TYR: variants seen among roughly 807,000 people sequenced by gnomAD.
The protein encoded by TYR is tyrosinase, also known as LB24-AB.
Under a neutral mutation model 51.5 loss-of-function variants are expected in TYR, and 58 were observed. The observed-to-expected ratio is 1.13, with a 90% CI of 0.91 to 1.40. The LOEUF is 1.40. Among genes scored for constraint, TYR ranks in the 40% most tolerant of loss-of-function variants. The probability of loss-of-function intolerance (pLI) is 0.00; values close to 1 mark genes in which losing one functional copy is unlikely to be tolerated. For missense variants in TYR, 732 were observed against 647.4 expected (o/e 1.13, Z -1.42); for synonymous variants, 263 against 235.2 (o/e 1.12, Z -1.08).
chr11:89,272,011 C>A (rs563825468), intron 3 of TYR, among the ~76,000 whole-genome samples: 1 of 151,976 alleles, frequency 6.6e-6, no homozygotes, highest in East Asian at 2.0e-4. Flanking sequence ...TCTGCAGTAA[C>A]TTTCTCCACT....
chr11:89,253,905 T>C (rs999063602), intron 3 of TYR, among the ~76,000 whole-genome samples: 1 of 151,820 alleles, frequency 6.6e-6, no homozygotes, highest in Non-Finnish European at 1.5e-5. Context: ...CTTGTTCCAG[T>C]TCTCAGAGGG....
chr11:89,214,140 C>G (rs1194851470), intron 2 of TYR, among the ~76,000 whole-genome samples: 3 of 152,150 alleles, frequency 2.0e-5, no homozygotes, highest in Non-Finnish European at 2.9e-5. Flanking sequence ...TCAGAGTGAA[C>G]AGGCAACCTA....
chr11:89,235,990 T>A (rs1469561837), intron 3 of TYR, among the ~76,000 whole-genome samples: 2 of 152,122 alleles, frequency 1.3e-5, no homozygotes. Context: ...TTTAAAAGTG[T>A]CAATTTGTCT....
chr11:89,227,777 A>G (rs1474867217), intron 2 of TYR, 46 bp from the exon 3 acceptor site: 1 of 1,525,710 alleles, frequency 6.6e-7, no homozygotes, highest in South Asian at 1.1e-5. Flanking sequence ...ATAGGTTTTC[A>G]GTCATTAAAG....
rs2135242125 is a variant in TYR at position 89,178,295 on chromosome 11, G to A, written c.342G>A (p.Glu114=). 3.1e-6 allele frequency: 5 copies of A among 1,614,226 alleles called. No homozygotes were observed. Among genetic ancestry groups the A allele is most frequent in the Non-Finnish European group, 2.5e-6 (3 of 1,180,044 alleles). ...GCTTTTGGGGACCAAACTGCACAGAGAGACGACTCTTGGTGAGAAGAAACA... is the reference window on the plus strand; with the variant it reads ...GCTTTTGGGGACCAAACTGCACAGAAAGACGACTCTTGGTGAGAAGAAACA... The part of the protein sequence containing the change: ...KFGFWGPNCT[E]RRLLVRRNIF... The change falls in exon 1 of 5, where the codon GAG becomes GAA. Residue 114 remains glutamate (E), a synonymous_variant. Transcript: ENST00000263321.
chr11:89,181,881 C>T (rs1446803073), intron 1 of TYR, among the ~76,000 whole-genome samples: 1 of 152,102 alleles, frequency 6.6e-6, no homozygotes. Context: ...TCAAGTAACC[C>T]GCTAATTTCT....
intron 3 of TYR, among the ~76,000 whole-genome samples, chr11:89,257,379 A>G (rs552927623): frequency 1.3e-5 from 2 of 152,172 alleles, no homozygotes; most frequent in Admixed American, 6.6e-5. Context: ...ATTTCATTCT[A>G]TCTTCATGAA....
At chr11:89,183,310 G>GA (rs1270717753) in intron 1 of TYR, among the ~76,000 whole-genome samples, 4 of 151,278 alleles carry the variant, frequency 2.6e-5, no homozygotes, top group African/African-American at 7.3e-5. Flanking sequence ...CGTTGAAATA[G>GA]AAAAAAAACA....
At chr11:89,216,807 A>G (rs1182984706) in intron 2 of TYR, among the ~76,000 whole-genome samples, 1 of 152,126 alleles carries the variant, frequency 6.6e-6, no homozygotes, top group Non-Finnish European at 1.5e-5. Context: ...CTTGATCTTC[A>G]TCCTGTTTTC....
chr11:89,286,404 T>C (rs1330141477), intron 4 of TYR, among the ~76,000 whole-genome samples: 1 of 151,858 alleles, frequency 6.6e-6, no homozygotes, highest in Non-Finnish European at 1.5e-5. Context: ...TATTTTTTAT[T>C]AGCCAGGAAC....
chr11:89,239,333 A>AT (rs1192609638), intron 3 of TYR, among the ~76,000 whole-genome samples: 7 of 151,332 alleles, frequency 4.6e-5, no homozygotes, highest in Non-Finnish European at 4.4e-5. Flanking sequence ...GAATTTATCT[A>AT]TTTTCTTCTA....
At chr11:89,191,179 T>G in intron 1 of TYR, 23 bp from the exon 2 acceptor site, 1 of 1,610,402 alleles carries the variant, frequency 6.2e-7, no homozygotes, top group Non-Finnish European at 8.5e-7. Flanking sequence ...ACAATTTGTT[T>G]AACATGAGGG....
chr11:89,177,999 T>C lies in TYR; in HGVS notation c.46T>C (p.Ser16Pro). Residue 16 changes from serine (S) to proline (P), a missense_variant, in exon 1 of 5, where the codon TCC becomes CCC. By Grantham distance (74) the Ser-to-Pro change is moderately conservative. Coordinates refer to ENST00000263321, the MANE Select transcript of TYR (RefSeq NM_000372.5). Reference protein sequence around the residue: ...LYCLLWSFQTSAGHFPRACVS... With the variant: ...LYCLLWSFQTPAGHFPRACVS... ...CTGCCTGCTGTGGAGTTTCCAGACC[T>C]CCGCTGGCCATTTCCCTAGAGCCTG... 6.2e-7 allele frequency: 1 copy of C among 1,614,162 alleles called. No homozygotes were observed. Among genetic ancestry groups the C allele is most frequent in the South Asian group, 1.1e-5 (1 of 91,088 alleles).
chr11:89,282,013 GT>G (rs1944726540), intron 3 of TYR, among the ~76,000 whole-genome samples: 1 of 151,756 alleles, frequency 6.6e-6, no homozygotes, highest in Non-Finnish European at 1.5e-5. Flanking sequence ...TCATGGTTTG[GT>G]GAAATTAACT....
intron 4 of TYR, among the ~76,000 whole-genome samples, chr11:89,291,699 T>TA (rs1353013141): frequency 6.6e-6 from 1 of 152,008 alleles, no homozygotes; most frequent in Non-Finnish European, 1.5e-5. Context: ...CTGCAAGTCT[T>TA]ATAACAAAAT....
intron 2 of TYR, among the ~76,000 whole-genome samples, chr11:89,215,094 TGAG>T (rs1278719578): frequency 1.3e-5 from 2 of 151,954 alleles, no homozygotes; most frequent in African/African-American, 2.4e-5. Context: ...TGCATTCTAG[TGAG>T]GAGAAGCATA....
chr11:89,274,794 T>C (rs1944632839), intron 3 of TYR, among the ~76,000 whole-genome samples: 1 of 151,790 alleles, frequency 6.6e-6, no homozygotes, highest in South Asian at 2.1e-4. Context: ...CTCTTTTGTG[T>C]TCATCTGGCA....
At chr11:89,227,575 G>A (rs1442075929) in intron 2 of TYR, among the ~76,000 whole-genome samples, 3 of 152,104 alleles carry the variant, frequency 2.0e-5, no homozygotes, top group Non-Finnish European at 4.4e-5. Flanking sequence ...AACACAAATT[G>A]GCTCAACCTC....
chr11:89,228,102 C>A, intron 3 of TYR, 132 bp downstream of exon 3: 1 of 1,038,156 alleles, frequency 9.6e-7, no homozygotes, highest in Non-Finnish European at 1.5e-6. Context: ...AGGTTGTCAC[C>A]AAAACAGACC....
Sources: allele counts gnomAD v4.1 joint callset (sites outside exome capture counted in the v4.1 genomes callset), GRCh38; gene constraint gnomAD v4.1.1; transcripts MANE v1.5; gene names NCBI Gene and HGNC (gene_info 2026-07-23, HGNC 2026-07-21).